The following KCNIP4 variants were observed in gnomAD, a reference collection of about 807,000 sequenced individuals.
The protein encoded by KCNIP4 is potassium voltage-gated channel interacting protein 4.
In KCNIP4, 12 loss-of-function variants were observed where a neutral mutation model predicts 34.0. The observed-to-expected ratio is 0.35, with a 90% CI of 0.23 to 0.57. The LOEUF is 0.57. KCNIP4 is among the 20% of genes least tolerant of loss of function. The pLI, the probability that KCNIP4 is intolerant of heterozygous loss-of-function variation, is 0.83. For synonymous variants in KCNIP4, 124 were observed against 102.2 expected (o/e 1.21, Z -1.29); for missense variants, 238 against 311.7 (o/e 0.76, Z 1.78).
chr4:21,291,615 C>T (rs182667454), intron 1 of KCNIP4, among the ~76,000 whole-genome samples: 40 of 151,432 alleles, frequency 2.6e-4, no homozygotes, highest in Non-Finnish European at 4.7e-4. Context: ...TTTGGGAGGC[C>T]GAGGCGGGTG....
chr4:21,123,442 A>C (rs564930626), intron 1 of KCNIP4, among the ~76,000 whole-genome samples: 1 of 152,286 alleles, frequency 6.6e-6, no homozygotes, highest in East Asian at 1.9e-4. Context: ...GGAGCATGGC[A>C]ATTTTCAAAC....
intron 1 of KCNIP4, among the ~76,000 whole-genome samples, chr4:21,742,386 C>T (rs1306503710): frequency 6.6e-6 from 1 of 152,166 alleles, no homozygotes; most frequent in African/African-American, 2.4e-5. Context: ...TTCCAAGCAA[C>T]CTTCCTGATT....
intron 1 of KCNIP4, among the ~76,000 whole-genome samples, chr4:21,661,461 T>G (rs1050486173): frequency 2.0e-5 from 3 of 149,022 alleles, no homozygotes; most frequent in African/African-American, 7.8e-5. Context: ...TCACTCTGGC[T>G]CCTGCACCTG....
At chr4:21,213,613 T>A (rs77243913) in intron 1 of KCNIP4, among the ~76,000 whole-genome samples, 4,504 of 152,132 alleles carry the variant, frequency 0.03, 94 homozygotes, top group Middle Eastern at 0.058. Context: ...AAAGCACTAC[T>A]TCTAAACTGT....
At chr4:20,974,495 G>A (rs1247926910) in intron 1 of KCNIP4, among the ~76,000 whole-genome samples, 2 of 152,152 alleles carry the variant, frequency 1.3e-5, no homozygotes, top group South Asian at 4.1e-4. Context: ...TAAGCCAGGA[G>A]TTTGAAACTG....
chr4:20,751,393 T>C lies in KCNIP4; in HGVS notation c.359-1661A>G, dbSNP rs910101215. ...GTTCTGTTGTTGGGAAGCTCCATTA[T>C]AGAGTTATCAAGAATTGGCAGCCTA... On this transcript the variant is annotated intron_variant, in intron 4 of 8. Coordinates refer to ENST00000382152, the MANE Select transcript of KCNIP4 (RefSeq NM_025221.6). 2.0e-5 allele frequency among the ~76,000 whole-genome samples: 3 copies of C among 152,308 alleles called. No individual in the cohort carries two copies. In the East Asian group the frequency reaches 5.8e-4, roughly 29 times the overall value.
chr4:21,618,130 T>A (rs1289731598), intron 1 of KCNIP4, among the ~76,000 whole-genome samples: 1 of 152,196 alleles, frequency 6.6e-6, no homozygotes, highest in Non-Finnish European at 1.5e-5. Flanking sequence ...TATATTTGTT[T>A]TACATTGGCA....
intron 1 of KCNIP4, among the ~76,000 whole-genome samples, chr4:21,504,341 G>A (rs6852637): frequency 0.15 from 23,446 of 151,396 alleles, 2,232 homozygotes; most frequent in East Asian, 0.52. Context: ...GGTGGCGCGT[G>A]CCTGTAATCC....
At chr4:21,804,307 T>C (rs1382427959) in intron 1 of KCNIP4, among the ~76,000 whole-genome samples, 1 of 152,218 alleles carries the variant, frequency 6.6e-6, no homozygotes, top group Non-Finnish European at 1.5e-5. Flanking sequence ...TTGTTTGTGA[T>C]CAGACATGAT....
chr4:21,045,617 G>C (rs910501516), intron 1 of KCNIP4, among the ~76,000 whole-genome samples: 3 of 152,086 alleles, frequency 2.0e-5, no homozygotes, highest in African/African-American at 4.8e-5. Context: ...AACGTAGATC[G>C]TGTAGAAATT....
At position 21,567,788 on chromosome 4, in the gene KCNIP4, G is replaced by A. The variant is rs567883234; in HGVS notation, c.61+380783C>T. Among the ~76,000 whole-genome samples, 19 of 152,160 alleles carry A rather than the reference G, an allele frequency of 1.2e-4. No individual in the cohort carries two copies. In the South Asian group the frequency reaches 3.7e-3, roughly 30 times the overall value. ...AGGATGGAAGTTACTTTGTAGTCAC[G>A]ACAATATTGAGTATCCTGAGGAATC... On this transcript the variant is annotated intron_variant, in intron 1 of 8. Transcript: ENST00000382152.
intron 1 of KCNIP4, among the ~76,000 whole-genome samples, chr4:21,081,426 C>T (rs1745991638): frequency 6.6e-6 from 1 of 151,672 alleles, no homozygotes; most frequent in Non-Finnish European, 1.5e-5. Context: ...GGTTATACTT[C>T]CTGGTATGAC....
intron 1 of KCNIP4, among the ~76,000 whole-genome samples, chr4:21,741,303 G>A (rs745706566): frequency 6.6e-6 from 1 of 152,076 alleles, no homozygotes; most frequent in South Asian, 2.1e-4. Flanking sequence ...AGATAAACTC[G>A]AGAAGGAAGT....
At chr4:21,234,105 A>G (rs1328857541) in intron 1 of KCNIP4, among the ~76,000 whole-genome samples, 1 of 117,926 alleles carries the variant, frequency 8.5e-6, no homozygotes, top group Admixed American at 9.8e-5. Context: ...TATAACATAT[A>G]TAACGTATAT....
intron 1 of KCNIP4, among the ~76,000 whole-genome samples, chr4:21,134,766 A>G (rs1226737568): frequency 1.3e-5 from 2 of 152,216 alleles, no homozygotes; most frequent in South Asian, 2.1e-4. Context: ...TTCTATCAAT[A>G]TAATCCCATT....
chr4:21,273,859 G>A (rs566812889), intron 1 of KCNIP4, among the ~76,000 whole-genome samples: 2 of 152,126 alleles, frequency 1.3e-5, no homozygotes, highest in East Asian at 1.9e-4. Context: ...ATGCATGCAC[G>A]TGTGTATGTA....
At chr4:21,465,087 A>G (rs776637551) in intron 1 of KCNIP4, among the ~76,000 whole-genome samples, 7 of 152,056 alleles carry the variant, frequency 4.6e-5, no homozygotes, top group Non-Finnish European at 7.4e-5. Flanking sequence ...TGCTTTGCAC[A>G]TAGCCTTTTT....
intron 1 of KCNIP4, among the ~76,000 whole-genome samples, chr4:21,000,832 C>T (rs992287378): frequency 3.3e-5 from 5 of 152,172 alleles, no homozygotes; most frequent in African/African-American, 1.2e-4. Context: ...TACAGACATG[C>T]TTCTATCTCA....
intron 3 of KCNIP4, among the ~76,000 whole-genome samples, chr4:20,833,820 T>G (rs1718722758): frequency 6.6e-6 from 1 of 152,242 alleles, no homozygotes; most frequent in African/African-American, 2.4e-5. Flanking sequence ...GTGCTCATTT[T>G]TACTTCAGTA....
Sources: gnomAD v4.1 joint callset for allele counts (sites outside exome capture counted in the v4.1 genomes callset) on GRCh38, gnomAD v4.1.1 for gene constraint, MANE v1.5 for transcripts, NCBI Gene and HGNC (gene_info 2026-07-23, HGNC 2026-07-21) for gene names.